PCDHGB5: variants seen among roughly 807,000 people sequenced by gnomAD.
The protein encoded by PCDHGB5 is protocadherin gamma subfamily B, 5, also known as protocadherin gamma-B5.
A neutral mutation model predicts 62.9 loss-of-function variants in PCDHGB5; 48 were observed. That is an observed-to-expected ratio of 0.76 (90% CI 0.61 to 0.97). PCDHGB5 has a LOEUF of 0.97. PCDHGB5 is among the 50% of genes least tolerant of loss of function. The pLI, the probability that PCDHGB5 is intolerant of heterozygous loss-of-function variation, is 0.00. For missense variants in PCDHGB5, 1,118 were observed against 1,198.6 expected (o/e 0.93, Z 0.99); for synonymous variants, 474 against 511.2 (o/e 0.93, Z 0.98).
chr5:141,485,454 C>T lies in PCDHGB5; in HGVS notation c.2398-9353C>T. On this transcript the variant is annotated intron_variant, in intron 1 of 3. Transcript: ENST00000617380. This position sits in a 1 kb window ranked among gnomAD's most constrained non-coding sequence, Gnocchi z 5.7. Reference sequence around the variant, plus strand: ...ATCAAGAACCCAATCGACCGAGAGGCACTGTGTGGGCTCAGTGCCAGCTGC... The same window carrying T: ...ATCAAGAACCCAATCGACCGAGAGGTACTGTGTGGGCTCAGTGCCAGCTGC... The T allele has an allele frequency of 6.2e-7, 1 of 1,614,162 alleles. No homozygotes were observed. Among genetic ancestry groups the T allele is most frequent in the East Asian group, 2.2e-5 (1 of 44,868 alleles).
chr5:141,458,018 A>G (rs1361716104), intron 1 of PCDHGB5, among the ~76,000 whole-genome samples: 1 of 152,188 alleles, frequency 6.6e-6, no homozygotes, highest in Admixed American at 6.5e-5. Flanking sequence ...GGTTTTTCCA[A>G]TTGTGTTCTG....
rs762783104 is a variant in PCDHGB5 at position 141,485,601 on chromosome 5, G to A, written c.2398-9206G>A. 4.3e-6 allele frequency: 7 copies of A among 1,612,290 alleles called. No homozygotes were observed. The highest frequency in any genetic ancestry group is 5.9e-6 in the Non-Finnish European group (7 of 1,178,722). On this transcript the variant is annotated intron_variant, in intron 1 of 3. Transcript: ENST00000617380. The surrounding 1 kb of genome is among the most constrained non-coding windows in gnomAD (Gnocchi z 5.7). ...CGGCAGCAGCTGGACTTGGAAATTG[G>A]GGAGGCAGCTCCTCCAGGACAGCGT...
chr5:141,414,152 A>T, intron 1 of PCDHGB5: 1 of 1,600,994 alleles, frequency 6.2e-7, no homozygotes, highest in Non-Finnish European at 8.5e-7. Flanking sequence ...ATACAAGCAG[A>T]AGATGGAGGA....
At chr5:141,423,183 G>GCCCCCTCTCTCGGCCAC (rs760086052) in intron 1 of PCDHGB5, 8 of 1,613,570 alleles carry the variant, frequency 5.0e-6, no homozygotes, top group Non-Finnish European at 6.8e-6. Context: ...ACCACGGCCA[G>GCCCCCTCTCTCGGCCAC]CCCCCTCTCT....
chr5:141,478,045 T>A, intron 1 of PCDHGB5: 1 of 1,614,144 alleles, frequency 6.2e-7, no homozygotes, highest in Non-Finnish European at 8.5e-7. Context: ...CCAGGCAGAC[T>A]CTCACGGTCT....
chr5:141,467,129 T>G (rs2099137740), intron 1 of PCDHGB5, among the ~76,000 whole-genome samples: 1 of 151,826 alleles, frequency 6.6e-6, no homozygotes, highest in Non-Finnish European at 1.5e-5. Context: ...CTCAGCTCAC[T>G]GCAACCTCTG....
At chr5:141,413,637 G>T in intron 1 of PCDHGB5, 8 of 1,613,888 alleles carry the variant, frequency 5.0e-6, no homozygotes, top group Non-Finnish European at 6.8e-6. Context: ...CTGCGGGAAT[G>T]CGTTTTCCTC....
rs751318430 is a variant in PCDHGB5 at position 141,485,603 on chromosome 5, G to A, written c.2398-9204G>A. 1 of 1,612,482 alleles carries A rather than the reference G, an allele frequency of 6.2e-7. No homozygotes were observed. The stretch of plus-strand genomic sequence containing the variant: ...GCAGCAGCTGGACTTGGAAATTGGG[G>A]AGGCAGCTCCTCCAGGACAGCGTTT... On this transcript the variant is annotated intron_variant, in intron 1 of 3. Coordinates refer to ENST00000617380, the MANE Select transcript of PCDHGB5 (RefSeq NM_018925.3). This position sits in a 1 kb window ranked among gnomAD's most constrained non-coding sequence, Gnocchi z 5.7.
intron 1 of PCDHGB5, chr5:141,409,896 C>T (rs1181128940): frequency 6.2e-7 from 1 of 1,613,240 alleles, no homozygotes; most frequent in East Asian, 2.2e-5. Flanking sequence ...GTGCTGTACC[C>T]AGCTCTGGGT....
At chr5:141,418,065 G>T in intron 1 of PCDHGB5, 1 of 1,614,064 alleles carries the variant, frequency 6.2e-7, no homozygotes, top group East Asian at 2.2e-5. Context: ...CTGCGAGTGA[G>T]CGCGGAGAAG....
chr5:141,403,210 C>T lies in PCDHGB5; in HGVS notation c.2397+2686C>T, dbSNP rs369033480. 123 of 1,613,946 alleles carry T rather than the reference C, an allele frequency of 7.6e-5. No homozygotes were observed. In the Middle Eastern group the frequency reaches 1.2e-3, roughly 15 times the overall value. On this transcript the variant is annotated intron_variant, in intron 1 of 3. Coordinates refer to ENST00000617380, the MANE Select transcript of PCDHGB5 (RefSeq NM_018925.3). Reference sequence around the variant, plus strand: ...ACCCGCGCAGCGGCACCTTGGTCACCGCGGGTAGGATAGACCGGGAGGAGC... The same window carrying T: ...ACCCGCGCAGCGGCACCTTGGTCACTGCGGGTAGGATAGACCGGGAGGAGC...
At chr5:141,447,649 T>C (rs909020761) in intron 1 of PCDHGB5, among the ~76,000 whole-genome samples, 1 of 152,206 alleles carries the variant, frequency 6.6e-6, no homozygotes, top group Non-Finnish European at 1.5e-5. Context: ...TGGTAGAATT[T>C]TCCCCCCCAG....
chr5:141,443,392 T>C (rs151260637), intron 1 of PCDHGB5, among the ~76,000 whole-genome samples: 1,653 of 151,736 alleles, frequency 0.011, 7 homozygotes, highest in Middle Eastern at 0.038. Flanking sequence ...GGCTGAGGTG[T>C]GAGGATCACC....
rs750233767 is a variant in PCDHGB5 at position 141,490,877 on chromosome 5, C to A, written c.2398-3930C>A. 1 of 1,613,880 alleles carries A rather than the reference C, an allele frequency of 6.2e-7. No individual in the cohort carries two copies. Among genetic ancestry groups the A allele is most frequent in the Non-Finnish European group, 8.5e-7 (1 of 1,179,900 alleles). On this transcript the variant is annotated intron_variant, in intron 1 of 3. Coordinates refer to ENST00000617380, the MANE Select transcript of PCDHGB5 (RefSeq NM_018925.3). This position sits in a 1 kb window ranked among gnomAD's most constrained non-coding sequence, Gnocchi z 5.4. Reference sequence around the variant, plus strand: ...GACTCCGGCTCTCCCCCATTGCATGCCAACACATCTCTGCATGTGTTTGTC... The same window carrying A: ...GACTCCGGCTCTCCCCCATTGCATGACAACACATCTCTGCATGTGTTTGTC...
At chr5:141,403,119 C>T in intron 1 of PCDHGB5, 1 of 1,614,060 alleles carries the variant, frequency 6.2e-7, no homozygotes, top group Non-Finnish European at 8.5e-7. Flanking sequence ...GCTCTGGAGC[C>T]CCGGGAGCTG....
intron 1 of PCDHGB5, chr5:141,419,602 C>T (rs757423030): frequency 6.2e-7 from 1 of 1,611,874 alleles, no homozygotes; most frequent in Admixed American, 1.7e-5. Flanking sequence ...TGCCGCGGGC[C>T]GCGCAGCCAG....
Position 141,485,286 on chromosome 5 carries a change from AG to A in PCDHGB5, c.2398-9520del. On this transcript the variant is annotated intron_variant, in intron 1 of 3. Coordinates refer to ENST00000617380, the MANE Select transcript of PCDHGB5 (RefSeq NM_018925.3). This position sits in a 1 kb window ranked among gnomAD's most constrained non-coding sequence, Gnocchi z 5.7. ...CAGATCCGCTACCCGGTCCCAGAGG[AG>A]TCACAGGAAGGGACTTTTGTAGGGA... The A allele has an allele frequency of 6.2e-7, 1 of 1,614,044 alleles. No homozygotes were observed. Among genetic ancestry groups the A allele is most frequent in the Non-Finnish European group, 8.5e-7 (1 of 1,179,928 alleles).
At chr5:141,468,744 T>G (rs113912306) in intron 1 of PCDHGB5, among the ~76,000 whole-genome samples, 5,602 of 152,138 alleles carry the variant, frequency 0.037, 142 homozygotes, top group South Asian at 0.077. Flanking sequence ...CGGGTGCCTG[T>G]AGTCCCAGCT....
chr5:141,473,974 C>T (rs958240236), intron 1 of PCDHGB5, among the ~76,000 whole-genome samples: 12 of 152,172 alleles, frequency 7.9e-5, no homozygotes, highest in Admixed American at 1.3e-4. Flanking sequence ...AAGTCTGAGG[C>T]GGGAGGATCC....
Sources: gnomAD v4.1 joint callset for allele counts (sites outside exome capture counted in the v4.1 genomes callset) on GRCh38, gnomAD v4.1.1 for gene constraint, Gnocchi (gnomAD v3.1) non-coding constraint, MANE v1.5 for transcripts, NCBI Gene and HGNC (gene_info 2026-07-23, HGNC 2026-07-21) for gene names.